Variants in WWTR1 observed in about 807,000 individuals in gnomAD.
The protein encoded by WWTR1 is WW domain-containing transcription regulator protein 1.
A neutral mutation model predicts 40.1 loss-of-function variants in WWTR1; 13 were observed. The ratio of observed to expected loss-of-function variants is 0.32; its 90% CI spans 0.21 to 0.52. The LOEUF is 0.52. WWTR1 is among the 20% of genes least tolerant of loss of function. The probability of loss-of-function intolerance (pLI) is 0.97; values close to 1 mark genes in which losing one functional copy is unlikely to be tolerated. For missense variants in WWTR1, 436 were observed against 523.1 expected (o/e 0.83, Z 1.63); for synonymous variants, 230 against 210.1 (o/e 1.09, Z -0.82).
chr3:149,675,407 C>A (rs1266748515), intron 1 of WWTR1, among the ~76,000 whole-genome samples: 2 of 152,270 alleles, frequency 1.3e-5, no homozygotes, highest in East Asian at 1.9e-4. Flanking sequence ...AGATCTCTGG[C>A]AGCCATTTTG....
intron 3 of WWTR1, among the ~76,000 whole-genome samples, chr3:149,548,245 A>G (rs1401413025): frequency 1.3e-5 from 2 of 152,162 alleles, no homozygotes; most frequent in East Asian, 1.9e-4. Flanking sequence ...AAAGGCTTCA[A>G]TCCTGAACTT....
At chr3:149,539,472 C>T (rs1391128669) in intron 4 of WWTR1, among the ~76,000 whole-genome samples, 1 of 152,080 alleles carries the variant, frequency 6.6e-6, no homozygotes, top group Non-Finnish European at 1.5e-5. Flanking sequence ...AGGGCCTGGG[C>T]CCCAAGAAGA....
intron 5 of WWTR1, among the ~76,000 whole-genome samples, chr3:149,711,262 A>G (rs1715472235): frequency 6.6e-6 from 1 of 152,116 alleles, no homozygotes; most frequent in African/African-American, 2.4e-5. Context: ...GTTCAGGACC[A>G]GCCTGCTCAC....
intron 2 of WWTR1, among the ~76,000 whole-genome samples, chr3:149,640,486 T>A (rs778378125): frequency 1.3e-5 from 2 of 152,086 alleles, no homozygotes; most frequent in Non-Finnish European, 2.9e-5. Flanking sequence ...AGTGCCCCAA[T>A]CTTGGCTCAC....
At chr3:149,696,554 G>A (rs1030049829) in intron 1 of WWTR1, among the ~76,000 whole-genome samples, 2 of 152,154 alleles carry the variant, frequency 1.3e-5, no homozygotes, top group African/African-American at 4.8e-5. Context: ...ACAATTCAAT[G>A]TCCAATGGTT....
chr3:149,694,220 C>T (rs1714909736), intron 1 of WWTR1, among the ~76,000 whole-genome samples: 1 of 152,102 alleles, frequency 6.6e-6, no homozygotes, highest in Non-Finnish European at 1.5e-5. Flanking sequence ...GGGGAAACCC[C>T]GTCTCTACTA....
intron 5 of WWTR1, among the ~76,000 whole-genome samples, chr3:149,713,954 C>G (rs996350902): frequency 1.3e-5 from 2 of 152,244 alleles, no homozygotes; most frequent in Admixed American, 1.3e-4. Flanking sequence ...TGCTGGCCAC[C>G]ACTGCGGGGA....
chr3:149,559,519 G>T (rs1250707740), intron 3 of WWTR1, among the ~76,000 whole-genome samples: 1 of 152,116 alleles, frequency 6.6e-6, no homozygotes, highest in Non-Finnish European at 1.5e-5. Context: ...TGGGGAAAAG[G>T]TATATGGGAA....
At chr3:149,525,552 T>C (rs1215410406) in intron 6 of WWTR1, 3 of 152,006 alleles carry the variant, frequency 2.0e-5, no homozygotes, top group African/African-American at 7.3e-5. Flanking sequence ...TGCCTGGGGG[T>C]TCAGTGGCTT....
At position 149,568,523 on chromosome 3, in the gene WWTR1, C is replaced by CAAAAAAAAAAAAAAAAAAAAAAA. The variant is rs34414853; in HGVS notation, c.568+4318_568+4340dup. Among the ~76,000 whole-genome samples the CAAAAAAAAAAAAAAAAAAAAAAA allele has an allele frequency of 1.4e-4, 9 of 64,804 alleles. 1 individual carries two copies. The highest frequency in any genetic ancestry group is 1.9e-4 in the Non-Finnish European group (6 of 31,614). 42.5% of individuals were successfully genotyped at this position (64,804 alleles called of 152,430 possible). ...GGAGATGGCTATTTGAATTAAAGTG[C>CAAAAAAAAAAAAAAAAAAAAAAA]AAAAAAAAAAAAAAAAAAAAAAAAA... On this transcript the variant is annotated intron_variant, in intron 3 of 6. Coordinates refer to ENST00000360632, the MANE Select transcript of WWTR1 (RefSeq NM_015472.6).
intron 2 of WWTR1, among the ~76,000 whole-genome samples, chr3:149,630,275 G>A (rs1015820314): frequency 6.6e-6 from 1 of 152,146 alleles, no homozygotes; most frequent in Non-Finnish European, 1.5e-5. Context: ...AATTATAAGA[G>A]TGTTAGTCCC....
chr3:149,605,444 C>T (rs1018182026), intron 2 of WWTR1, among the ~76,000 whole-genome samples: 2 of 152,010 alleles, frequency 1.3e-5, no homozygotes, highest in African/African-American at 4.8e-5. Context: ...ACTTGGAGGA[C>T]TGGATGTGAT....
intron 3 of WWTR1, among the ~76,000 whole-genome samples, chr3:149,561,506 T>A (rs1737076966): frequency 6.6e-6 from 1 of 152,230 alleles, no homozygotes; most frequent in Admixed American, 6.5e-5. Context: ...ACTTTAAATG[T>A]ACATACTCTT....
chr3:149,577,642 T>C (rs1456696578), intron 2 of WWTR1, among the ~76,000 whole-genome samples: 1 of 152,160 alleles, frequency 6.6e-6, no homozygotes, highest in Non-Finnish European at 1.5e-5. Flanking sequence ...TGAGAAGATA[T>C]TTGGCTGGAA....
intron 2 of WWTR1, among the ~76,000 whole-genome samples, chr3:149,628,080 A>G (rs1412185265): frequency 1.3e-5 from 2 of 151,486 alleles, no homozygotes; most frequent in Non-Finnish European, 2.9e-5. Context: ...TCTCGAAAAA[A>G]AAAAAAAAAG....
intron 2 of WWTR1, among the ~76,000 whole-genome samples, chr3:149,582,783 A>T (rs115714081): frequency 0.02 from 3,070 of 152,258 alleles, 40 homozygotes; most frequent in Non-Finnish European, 0.031. Flanking sequence ...CCTTAAGTTT[A>T]TTGTGTTGGA....
At chr3:149,717,656 T>C (rs1715645370) in intron 4 of WWTR1, 1 of 152,120 alleles carries the variant, frequency 6.6e-6, no homozygotes, top group Admixed American at 6.5e-5. Flanking sequence ...AGGACAAGGG[T>C]GATGATCCAA....
intron 2 of WWTR1, among the ~76,000 whole-genome samples, chr3:149,594,218 T>G (rs181888340): frequency 3.9e-5 from 6 of 152,340 alleles, no homozygotes; most frequent in African/African-American, 1.4e-4. Flanking sequence ...GCCTAAGAAT[T>G]ACTCTGAGGC....
intron 2 of WWTR1, among the ~76,000 whole-genome samples, chr3:149,633,025 AACTATTGAATTACAC>A (rs1383110376): frequency 3.3e-5 from 5 of 152,248 alleles, no homozygotes; most frequent in African/African-American, 1.2e-4. Context: ...ATCTATTAAA[AACTATTGAATTACAC>A]ACTTAAAATG....
Sources: gnomAD v4.1 joint callset for allele counts (sites outside exome capture counted in the v4.1 genomes callset) on GRCh38, gnomAD v4.1.1 for gene constraint, MANE v1.5 for transcripts, NCBI Gene and HGNC (gene_info 2026-07-23, HGNC 2026-07-21) for gene names.